DNAH8: variants seen among roughly 807,000 people sequenced by gnomAD.
DNAH8 encodes the protein dynein axonemal heavy chain 8.
DNAH8 carries 382 observed loss-of-function variants against 562.1 expected under a neutral mutation model. That is an observed-to-expected ratio of 0.68 (90% CI 0.63 to 0.74). The LOEUF (loss-of-function observed/expected upper bound fraction) is 0.74, where lower values mean the gene tolerates loss of function less well. Among genes scored for constraint, DNAH8 ranks in the 30% least tolerant of loss-of-function variants. The pLI is 0.00. For synonymous variants in DNAH8, 1,881 were observed against 1,919.4 expected, an observed-to-expected ratio of 0.98 and a Z score of 0.52; for missense variants, 5,203 against 5,620.4, an observed-to-expected ratio of 0.93 and a Z score of 2.37.
chr6:38,836,595 A>G (rs1774324995), intron 32 of DNAH8, among the ~76,000 whole-genome samples: 1 of 150,856 alleles, frequency 6.6e-6, no homozygotes, highest in Admixed American at 6.6e-5. Flanking sequence ...TCGAGGTGTG[A>G]GCCAAACAGG....
chr6:38,984,717 G>T (rs1048195356), intron 87 of DNAH8, among the ~76,000 whole-genome samples: 3 of 152,168 alleles, frequency 2.0e-5, no homozygotes, highest in African/African-American at 7.2e-5. Context: ...CTTGAACCTG[G>T]GAGGCGGAGG....
chr6:38,940,403 G>C (rs530268384), intron 79 of DNAH8, among the ~76,000 whole-genome samples: 1 of 152,248 alleles, frequency 6.6e-6, no homozygotes, highest in Non-Finnish European at 1.5e-5. Context: ...GTTGGAGTGG[G>C]GGATTGCTGG....
chr6:39,030,036 C>G (rs1355186284), intron 92 of DNAH8, 69 bp from the exon 93 acceptor site: 16 of 1,302,288 alleles, frequency 1.2e-5, no homozygotes, highest in Non-Finnish European at 1.7e-5. Context: ...AACTGACAGC[C>G]TTTATGACTA....
chr6:38,801,159 C>T (rs1770745615), intron 21 of DNAH8, among the ~76,000 whole-genome samples: 1 of 152,106 alleles, frequency 6.6e-6, no homozygotes, highest in African/African-American at 2.4e-5. Flanking sequence ...ATATTTTCCT[C>T]TAAGAGTTTT....
At chr6:39,018,003 A>C (rs1766669164) in intron 91 of DNAH8, among the ~76,000 whole-genome samples, 1 of 152,196 alleles carries the variant, frequency 6.6e-6, no homozygotes. Context: ...AGCATGCCCC[A>C]GTGCCACTGT....
Position 38,887,381 on chromosome 6 carries a change from A to T in DNAH8, c.8473+377A>T, listed in dbSNP as rs141711071. ...TATGTTAATGAAAATGAGATTCTTG[A>T]CATCAAATGTAACATCGAATCACAT... is the stretch of plus-strand genomic sequence containing the variant. On this transcript the variant is annotated intron_variant, in intron 57 of 92. Transcript: ENST00000327475. Among the ~76,000 whole-genome samples the T allele has an allele frequency of 1.9e-4, 29 of 152,336 alleles. 1 individual carries two copies. In the East Asian group the frequency reaches 2.3e-3, roughly 12 times the overall value.
At chr6:39,008,554 C>T (rs1259270820) in intron 88 of DNAH8, among the ~76,000 whole-genome samples, 1 of 152,054 alleles carries the variant, frequency 6.6e-6, no homozygotes, top group Non-Finnish European at 1.5e-5. Flanking sequence ...TTTGGATTTC[C>T]AAGGGTGTTT....
chr6:38,900,471 A>G (rs1339690313), intron 62 of DNAH8, among the ~76,000 whole-genome samples: 1 of 152,126 alleles, frequency 6.6e-6, no homozygotes, highest in East Asian at 1.9e-4. Flanking sequence ...AAATTGCTGG[A>G]TGTAGGTTAT....
At position 39,012,485 on chromosome 6, in the gene DNAH8, G is replaced by A. The variant is rs143366223; in HGVS notation, c.13562G>A (p.Arg4521His). Residue 4521 changes from arginine (R) to histidine (H), a missense_variant, in exon 91 of 93, where the codon CGT (arginine) becomes CAT (histidine). Coordinates refer to ENST00000327475, the MANE Select transcript of DNAH8 (RefSeq NM_001206927.2). ...GCTCTGGACAACATGTATGATGCTCGTATACCTCAGCTCTGGAAAAGAGTG... is the reference window on the plus strand; with the variant it reads ...GCTCTGGACAACATGTATGATGCTCATATACCTCAGCTCTGGAAAAGAGTG... ...RDALDNMYDA[R>H]IPQLWKRVSW... 152 of 1,613,870 alleles carry A rather than the reference G, an allele frequency of 9.4e-5. No individual in the cohort carries two copies. The highest frequency in any genetic ancestry group is 1.6e-4 in the Middle Eastern group (1 of 6,084).
intron 36 of DNAH8, 43 bp downstream of exon 36, chr6:38,845,816 G>T: frequency 6.6e-7 from 1 of 1,507,274 alleles, no homozygotes; most frequent in South Asian, 1.2e-5. Context: ...GGGATATTTA[G>T]GGTTATAAAA....
At chr6:38,917,641 ACCCAGC>A (rs1485749701) in intron 69 of DNAH8, among the ~76,000 whole-genome samples, 1 of 152,224 alleles carries the variant, frequency 6.6e-6, no homozygotes, top group Non-Finnish European at 1.5e-5. Context: ...CTTGGTGTCA[ACCCAGC>A]CCAGTTTTCA....
chr6:38,916,003 G>A (rs992392268), intron 68 of DNAH8, among the ~76,000 whole-genome samples: 12 of 151,936 alleles, frequency 7.9e-5, no homozygotes, highest in African/African-American at 2.2e-4. Flanking sequence ...GAGTAAATTT[G>A]CTTAACTTTC....
rs762008200 is a variant in DNAH8, at chr6:38,945,499, C to T, written c.12040C>T (p.Pro4014Ser). The change falls in exon 80 of 93, where the codon CCC becomes TCC. Residue 4014 changes from proline (P) to serine (S), a missense_variant. This residue lies in a region of DNAH8 where 1,399 missense variants were observed against 1,518.4 expected (regional missense o/e 0.92). Coordinates refer to ENST00000327475, the MANE Select transcript of DNAH8 (RefSeq NM_001206927.2). ...GAALDLKACP[P>S]KPYRWILDMT... ...AGCTCTGGACCTGAAAGCCTGTCCT[C>T]CCAAACCCTATCGCTGGATCCTTGA... 5.6e-6 allele frequency: 9 copies of T among 1,614,172 alleles called. No individual in the cohort carries two copies. In the South Asian group the frequency reaches 8.8e-5, roughly 16 times the overall value.
In DNAH8 at chr6:38,929,669, G is replaced by C; in HGVS notation, c.11274+3G>C. 1 of 1,364,364 alleles carries C rather than the reference G, an allele frequency of 7.3e-7. No individual in the cohort carries two copies. The highest frequency in any genetic ancestry group is 9.6e-7 in the Non-Finnish European group (1 of 1,040,514). 84.5% of individuals were successfully genotyped at this position (1,364,364 alleles called of 1,614,324 possible). ...TTAAATCTGGCACCACTTTCAAGGTGAGCTTTGTAAAAAAAAAAAAAAAGA... is the reference window on the plus strand; with the variant it reads ...TTAAATCTGGCACCACTTTCAAGGTCAGCTTTGTAAAAAAAAAAAAAAAGA... On this transcript the variant is annotated splice_donor_region_variant and intron_variant, in intron 75 of 92. Transcript: ENST00000327475.
chr6:38,867,893 T>C (rs1487098053), intron 47 of DNAH8, among the ~76,000 whole-genome samples, 169 bp from the exon 48 acceptor site: 1 of 152,224 alleles, frequency 6.6e-6, no homozygotes, highest in Non-Finnish European at 1.5e-5. Flanking sequence ...AATGATCATA[T>C]TTCAGTCAAA....
chr6:38,877,820 A>G (rs1209209574), intron 53 of DNAH8, among the ~76,000 whole-genome samples: 1 of 152,256 alleles, frequency 6.6e-6, no homozygotes, highest in Non-Finnish European at 1.5e-5. Context: ...TATTAAAAAT[A>G]TAGAAAACTG....
intron 18 of DNAH8, among the ~76,000 whole-genome samples, chr6:38,788,340 C>T (rs577541448): frequency 8.5e-5 from 13 of 152,076 alleles, no homozygotes; most frequent in East Asian, 7.7e-4. Flanking sequence ...TTAGTAGAGA[C>T]GGGGTTTCAC....
In DNAH8 at chr6:38,890,610, T is replaced by G. The variant is rs377324073; in HGVS notation, c.8474-42T>G. On this transcript the variant is annotated intron_variant, in intron 57 of 92. Transcript: ENST00000327475. ...ACTGGGATAAACATATACTTGGAAA[T>G]CTTTTGGTAAGCTTATACCTTCAAT... is the stretch of plus-strand genomic sequence containing the variant. The G allele has an allele frequency of 5.8e-4, 792 of 1,372,606 alleles. 8 individuals carry two copies. The South Asian group carries it at 8.0e-3, about 14-fold the overall frequency. The allele number at this position is 1,372,606 out of a possible 1,614,324, so 85.0% of individuals were successfully genotyped here.
intron 79 of DNAH8, among the ~76,000 whole-genome samples, chr6:38,942,802 G>T (rs75842375): frequency 0.014 from 2,083 of 152,260 alleles, 50 homozygotes; most frequent in African/African-American, 0.047. Context: ...AGGCATGCTC[G>T]ATACTAAGAC....
Sources: gnomAD v4.1 joint callset for allele counts (sites outside exome capture counted in the v4.1 genomes callset) on GRCh38, gnomAD v4.1.1 for gene constraint, gnomAD v4.1.1 regional missense constraint, MANE v1.5 for transcripts, NCBI Gene and HGNC (gene_info 2026-07-23, HGNC 2026-07-21) for gene names.